The following CDH4 variants were observed in gnomAD, a reference collection of about 807,000 sequenced individuals.
CDH4 encodes cadherin-4.
CDH4 carries 33 observed loss-of-function variants against 86.0 expected under a neutral mutation model. The ratio of observed to expected loss-of-function variants is 0.38; its 90% CI spans 0.29 to 0.51. The LOEUF (loss-of-function observed/expected upper bound fraction) is 0.51, where lower values mean the gene tolerates loss of function less well. Among genes scored for constraint, CDH4 ranks in the 20% least tolerant of loss-of-function variants. The pLI is 0.86. For synonymous variants in CDH4, 555 were observed against 549.4 expected (o/e 1.01, Z -0.14); for missense variants, 1,114 against 1,307.4 (o/e 0.85, Z 2.28).
intron 2 of CDH4, among the ~76,000 whole-genome samples, chr20:61,274,407 A>T (rs1156362910): frequency 3.1e-5 from 2 of 65,440 alleles, no homozygotes; most frequent in Non-Finnish European, 5.4e-5. Context: ...TACTGTGTGC[A>T]GTTTGGGGGA....
At chr20:61,421,804 G>A (rs2085179244) in intron 2 of CDH4, among the ~76,000 whole-genome samples, 1 of 152,198 alleles carries the variant, frequency 6.6e-6, no homozygotes, top group South Asian at 2.1e-4. Flanking sequence ...GGCTGATGGA[G>A]GCCCACTGGG....
chr20:61,358,117 T>C (rs1191295172), intron 2 of CDH4, among the ~76,000 whole-genome samples: 1 of 152,230 alleles, frequency 6.6e-6, no homozygotes, highest in Non-Finnish European at 1.5e-5. Context: ...CATTTTCTTC[T>C]GCCTGGATAT....
intron 4 of CDH4, among the ~76,000 whole-genome samples, chr20:61,804,814 C>G (rs1478951144): frequency 6.6e-6 from 1 of 152,208 alleles, no homozygotes; most frequent in Non-Finnish European, 1.5e-5. Flanking sequence ...CAGGACTCAT[C>G]TGTTGCAAGG....
intron 2 of CDH4, among the ~76,000 whole-genome samples, chr20:61,283,446 GTGA>G (rs1658169539): frequency 1.3e-5 from 2 of 148,934 alleles, no homozygotes; most frequent in African/African-American, 5.0e-5. Context: ...TGTGGTGTGT[GTGA>G]TGTGTGTGCG....
At chr20:61,883,124 G>C (rs1333290801) in intron 7 of CDH4, among the ~76,000 whole-genome samples, 4 of 151,634 alleles carry the variant, frequency 2.6e-5, no homozygotes, top group Non-Finnish European at 5.9e-5. Context: ...CCTGCCCCAG[G>C]GCCTTCTCGC....
At chr20:61,706,317 G>C (rs143490936) in intron 2 of CDH4, among the ~76,000 whole-genome samples, 1 of 152,094 alleles carries the variant, frequency 6.6e-6, no homozygotes, top group Non-Finnish European at 1.5e-5. Flanking sequence ...AGAGGGCCGG[G>C]GGGGATGAGA....
chr20:61,646,411 C>A (rs1242436633), intron 2 of CDH4, among the ~76,000 whole-genome samples: 1 of 152,216 alleles, frequency 6.6e-6, no homozygotes, highest in East Asian at 1.9e-4. Context: ...AAGGGACACA[C>A]ACAGAGGACC....
intron 15 of CDH4, among the ~76,000 whole-genome samples, 183 bp downstream of exon 15, chr20:61,934,403 C>CT (rs1263779887): frequency 2.0e-5 from 3 of 152,212 alleles, no homozygotes; most frequent in African/African-American, 4.8e-5. Context: ...AATCACCTCC[C>CT]TCAGCAGGCC....
chr20:61,556,067 C>T (rs993336472), intron 2 of CDH4, among the ~76,000 whole-genome samples: 1 of 152,196 alleles, frequency 6.6e-6, no homozygotes, highest in Non-Finnish European at 1.5e-5. Flanking sequence ...GTGTACCCCC[C>T]ATGTGGGAGA....
intron 2 of CDH4, among the ~76,000 whole-genome samples, chr20:61,687,974 C>G (rs2087605827): frequency 6.6e-6 from 1 of 152,170 alleles, no homozygotes; most frequent in Non-Finnish European, 1.5e-5. Context: ...CTTGTACTAA[C>G]TTAGATATTA....
chr20:61,852,507 G>T (rs894048893), intron 5 of CDH4, among the ~76,000 whole-genome samples: 1 of 152,184 alleles, frequency 6.6e-6, no homozygotes, highest in East Asian at 1.9e-4. Flanking sequence ...TGACCATGGG[G>T]TGTTGGGGGG....
At chr20:61,614,458 G>C (rs1024302224) in intron 2 of CDH4, among the ~76,000 whole-genome samples, 12 of 152,214 alleles carry the variant, frequency 7.9e-5, no homozygotes, top group African/African-American at 2.4e-4. Context: ...AGCCATTCTA[G>C]CAACAGACTG....
chr20:61,439,134 T>A (rs1340097818), intron 2 of CDH4, among the ~76,000 whole-genome samples: 1 of 152,186 alleles, frequency 6.6e-6, no homozygotes, highest in Non-Finnish European at 1.5e-5. Flanking sequence ...TTTGATTTTT[T>A]GTCAAAATGG....
intron 2 of CDH4, among the ~76,000 whole-genome samples, chr20:61,328,422 G>A (rs542058515): frequency 3.9e-4 from 59 of 152,260 alleles, no homozygotes; most frequent in Middle Eastern, 3.4e-3. Flanking sequence ...TGATCCACCC[G>A]CCTTGACCTC....
At chr20:61,710,147 T>A (rs560074090) in intron 2 of CDH4, among the ~76,000 whole-genome samples, 1 of 152,224 alleles carries the variant, frequency 6.6e-6, no homozygotes, top group Admixed American at 6.5e-5. Context: ...CCCTAGGCAC[T>A]ATCACCCCCA....
At chr20:61,333,701 C>T (rs1034220741) in intron 2 of CDH4, among the ~76,000 whole-genome samples, 8 of 152,330 alleles carry the variant, frequency 5.3e-5, no homozygotes, top group Middle Eastern at 3.4e-3. Context: ...CAGGCCTCTG[C>T]GGTATCCCTG....
At chr20:61,874,619 G>A (rs1216069567) in intron 7 of CDH4, among the ~76,000 whole-genome samples, 3 of 152,174 alleles carry the variant, frequency 2.0e-5, no homozygotes, top group South Asian at 4.1e-4. Flanking sequence ...GCACTGGGCT[G>A]TGCGTTCCCA....
intron 3 of CDH4, among the ~76,000 whole-genome samples, chr20:61,744,635 G>C (rs1215798904): frequency 6.6e-6 from 1 of 152,110 alleles, no homozygotes; most frequent in East Asian, 1.9e-4. Context: ...TAAAACATCT[G>C]CTGTTCAGGA....
intron 4 of CDH4, among the ~76,000 whole-genome samples, chr20:61,794,349 G>T (rs929834334): frequency 1.3e-5 from 2 of 152,076 alleles, no homozygotes. Context: ...CCGCCTGGGG[G>T]CAGCTGGACA....
Sources: gnomAD v4.1 joint callset for allele counts (sites outside exome capture counted in the v4.1 genomes callset) on GRCh38, gnomAD v4.1.1 for gene constraint, MANE v1.5 for transcripts, NCBI Gene and HGNC (gene_info 2026-07-23, HGNC 2026-07-21) for gene names.